Variants in STAU2 observed in about 807,000 individuals in gnomAD.
STAU2 encodes the protein staufen double-stranded RNA binding protein 2, also known as double-stranded RNA-binding protein Staufen homolog 2.
In STAU2, 20 loss-of-function variants were observed where a neutral mutation model predicts 65.9. The observed-to-expected ratio is 0.30, with a 90% CI of 0.21 to 0.44. STAU2 has a LOEUF of 0.44. Among genes scored for constraint, STAU2 ranks in the 20% least tolerant of loss-of-function variants. The pLI is 1.00. For synonymous variants in STAU2, 232 were observed against 233.9 expected (o/e 0.99, Z 0.07); for missense variants, 558 against 683.9 (o/e 0.82, Z 2.05).
intron 3 of STAU2, among the ~76,000 whole-genome samples, chr8:73,731,502 C>A (rs1806067788): frequency 1.3e-5 from 2 of 152,170 alleles, no homozygotes; most frequent in South Asian, 4.1e-4. Flanking sequence ...TGTTCCTATT[C>A]TCTCAGGGAT....
chr8:73,494,930 C>G (rs1349929161), intron 13 of STAU2, among the ~76,000 whole-genome samples: 1 of 151,526 alleles, frequency 6.6e-6, no homozygotes, highest in African/African-American at 2.4e-5. Context: ...TTGTGCTGAG[C>G]CATTAAAATG....
intron 10 of STAU2, among the ~76,000 whole-genome samples, chr8:73,595,628 C>T (rs940541692): frequency 6.6e-6 from 1 of 151,980 alleles, no homozygotes; most frequent in Non-Finnish European, 1.5e-5. Context: ...TAACAGCGTT[C>T]ATGTTGGTTA....
chr8:73,617,346 T>G lies in STAU2; in HGVS notation c.516A>C (p.Ala172=). The change falls in exon 7 of 15, where the codon GCA becomes GCC. Residue 172 remains alanine, a synonymous_variant. Coordinates refer to ENST00000524300, the MANE Select transcript of STAU2 (RefSeq NM_001164380.2). ...TCTGCAGTGCTTGGAGGGCTTTCATTGCAGCATTGTGTCTAGCAGCTTGTC... is the reference window on the plus strand; with the variant it reads ...TCTGCAGTGCTTGGAGGGCTTTCATGGCAGCATTGTGTCTAGCAGCTTGTC... The part of the protein sequence containing the change: ...KTRQAARHNA[A]MKALQALQNE... 6.2e-7 allele frequency: 1 copy of G among 1,614,176 alleles called. No homozygotes were observed. The highest frequency in any genetic ancestry group is 8.5e-7 in the Non-Finnish European group (1 of 1,180,014).
intron 6 of STAU2, among the ~76,000 whole-genome samples, chr8:73,658,934 C>CAAAAAAAAAAAAAAAAAAA: frequency 1.0e-5 from 1 of 96,732 alleles, no homozygotes; most frequent in Non-Finnish European, 2.7e-5. Flanking sequence ...ACAACAACAA[C>CAAAAAAAAAAAAAAAAAAA]AAAAACAACA....
intron 3 of STAU2, among the ~76,000 whole-genome samples, chr8:73,719,458 T>C (rs1011820548): frequency 1.7e-4 from 26 of 152,230 alleles, no homozygotes; most frequent in Admixed American, 1.2e-3. Context: ...AGGTTTTTCA[T>C]AGAAGCACAT....
chr8:73,553,295 T>C (rs919438950), intron 12 of STAU2, among the ~76,000 whole-genome samples: 17 of 152,318 alleles, frequency 1.1e-4, no homozygotes, highest in African/African-American at 3.8e-4. Context: ...ACAACTTAAT[T>C]TCCTGTTCTT....
At chr8:73,494,518 T>C (rs1821300200) in intron 13 of STAU2, among the ~76,000 whole-genome samples, 1 of 151,726 alleles carries the variant, frequency 6.6e-6, no homozygotes, top group Non-Finnish European at 1.5e-5. Context: ...CACTTGTTTA[T>C]TTTTGTACTC....
chr8:73,428,487 G>A (rs921097629), intron 13 of STAU2, among the ~76,000 whole-genome samples: 23 of 152,062 alleles, frequency 1.5e-4, no homozygotes, highest in Non-Finnish European at 2.5e-4. Flanking sequence ...ATACCCAGAT[G>A]TGACAGTGCT....
At chr8:73,447,455 C>T (rs1465889610) in intron 13 of STAU2, among the ~76,000 whole-genome samples, 4 of 152,144 alleles carry the variant, frequency 2.6e-5, no homozygotes, top group Admixed American at 6.5e-5. Context: ...TTTAATCAGT[C>T]CCATAATAAT....
Position 73,552,063 on chromosome 8 carries a change from T to G in STAU2, c.1479A>C (p.Pro493=), listed in dbSNP as rs779157221. 6.2e-7 allele frequency: 1 copy of G among 1,607,116 alleles called. No homozygotes were observed. Among genetic ancestry groups the G allele is most frequent in the African/African-American group, 1.3e-5 (1 of 74,732 alleles). The change falls in exon 13 of 15, where the codon CCA becomes CCC. Residue 493 remains proline, a synonymous_variant. Transcript: ENST00000524300. ...KGSSPTPPCS[P]VQPSKQLEYL... is the part of the protein sequence containing the mutation. ...ATTCCAGTTGTTTTGAAGGTTGTAC[T>G]GGAGAACAAGGGGGAGTAGGAGAAC...
intron 3 of STAU2, among the ~76,000 whole-genome samples, chr8:73,718,461 G>GGGC (rs1364736321): frequency 1.3e-5 from 2 of 152,106 alleles, no homozygotes; most frequent in African/African-American, 4.8e-5. Context: ...AACCAAGAAA[G>GGGC]GGCTACTTGC....
At chr8:73,649,705 G>A (rs1408575412) in intron 6 of STAU2, among the ~76,000 whole-genome samples, 1 of 151,300 alleles carries the variant, frequency 6.6e-6, no homozygotes, top group Non-Finnish European at 1.5e-5. Context: ...GATGGACAGG[G>A]CAGTTTGTAT....
At chr8:73,557,806 G>C (rs953817918) in intron 12 of STAU2, among the ~76,000 whole-genome samples, 2 of 152,118 alleles carry the variant, frequency 1.3e-5, no homozygotes, top group African/African-American at 4.8e-5. Context: ...TTTATCTGAA[G>C]AGGTCCTGAA....
At chr8:73,687,269 A>AATTTATTTATAAAAATTTATATTTAT (rs1818924599) in intron 5 of STAU2, among the ~76,000 whole-genome samples, 1 of 30,164 alleles carries the variant, frequency 3.3e-5, no homozygotes, top group Non-Finnish European at 7.5e-5. Flanking sequence ...TATTTCTATT[A>AATTTATTTATAAAAATTTATATTTAT]ATTTACATTT....
intron 13 of STAU2, among the ~76,000 whole-genome samples, chr8:73,537,478 G>C (rs891478590): frequency 6.6e-6 from 1 of 152,186 alleles, no homozygotes; most frequent in African/African-American, 2.4e-5. Context: ...AGAAGTGAGA[G>C]AGAAACAGCT....
At chr8:73,506,344 T>A (rs765973290) in intron 13 of STAU2, among the ~76,000 whole-genome samples, 26 of 152,138 alleles carry the variant, frequency 1.7e-4, no homozygotes, top group Non-Finnish European at 3.5e-4. Flanking sequence ...AGATACAGAC[T>A]TGCCTCAGAG....
chr8:73,570,761 A>T (rs1330106730), intron 12 of STAU2, among the ~76,000 whole-genome samples: 2 of 152,158 alleles, frequency 1.3e-5, no homozygotes, highest in Non-Finnish European at 2.9e-5. Context: ...CTCGGCAGAA[A>T]CTCTACAAGC....
At position 73,739,750 on chromosome 8, in the gene STAU2, G is replaced by A. The variant is rs1586390284; in HGVS notation, c.-84+6C>T. 1.3e-6 allele frequency: 2 copies of A among 1,506,568 alleles called. No individual in the cohort carries two copies. Among genetic ancestry groups the A allele is most frequent in the East Asian group, 2.5e-5 (1 of 40,592 alleles). 93.3% of individuals were successfully genotyped at this position (1,506,568 alleles called of 1,614,324 possible). A position where few individuals can be genotyped will look rare whatever the true frequency, so the allele number is the denominator to read the frequency against. The stretch of plus-strand genomic sequence containing the variant: ...TTTGAGTTTTAGTCAAAGTTCTTCA[G>A]ATTACCTTCTGAGCCTTGGTTCAAA... On this transcript the variant is annotated splice_donor_region_variant and intron_variant, in intron 2 of 14. Transcript: ENST00000524300.
chr8:73,698,577 T>C (rs1230724248), intron 4 of STAU2, among the ~76,000 whole-genome samples: 2 of 152,138 alleles, frequency 1.3e-5, no homozygotes, highest in African/African-American at 2.4e-5. Flanking sequence ...TATATAATGA[T>C]AAAGGGGTCA....
Sources: allele counts gnomAD v4.1 joint callset (sites outside exome capture counted in the v4.1 genomes callset), GRCh38; gene constraint gnomAD v4.1.1; transcripts MANE v1.5; gene names NCBI Gene and HGNC (gene_info 2026-07-23, HGNC 2026-07-21).